The following ULK4 variants were observed in gnomAD, a reference collection of about 807,000 sequenced individuals.
The protein encoded by ULK4 is unc-51 like kinase 4, also known as inactive serine/threonine-protein kinase ULK4.
ULK4 carries 133 observed loss-of-function variants against 160.6 expected under a neutral mutation model. The observed-to-expected ratio is 0.83, with a 90% CI of 0.72 to 0.96. The LOEUF (loss-of-function observed/expected upper bound fraction) is 0.96. Ranked by LOEUF, ULK4 falls within the 40% of genes least tolerant of loss-of-function variation. ULK4 has a pLI of 0.00. For missense variants in ULK4, 1,580 were observed against 1,499.5 expected, an observed-to-expected ratio of 1.05 and a Z score of -0.89; for synonymous variants, 534 against 539.8, an observed-to-expected ratio of 0.99 and a Z score of 0.15.
At chr3:41,286,541 A>G (rs2079461137) in intron 35 of ULK4, among the ~76,000 whole-genome samples, 1 of 152,154 alleles carries the variant, frequency 6.6e-6, no homozygotes, top group East Asian at 1.9e-4. Flanking sequence ...GGAGGCCTTC[A>G]GGAAGAGGAG....
In ULK4 at chr3:41,586,250, G is replaced by A. The variant is rs1332381878; in HGVS notation, c.3121-20120C>T. ...TAGCTAAGATATGGAATCAACTTGA[G>A]TGTCCATCAATGAATGGCTAGGGAA... On this transcript the variant is annotated intron_variant, in intron 31 of 36. Transcript: ENST00000301831. Among the ~76,000 whole-genome samples, 5 of 152,174 alleles carry A rather than the reference G, an allele frequency of 3.3e-5. No homozygotes were observed. The East Asian group carries it at 9.6e-4, about 29-fold the overall frequency.
At chr3:41,361,062 T>C (rs1367731081) in intron 35 of ULK4, among the ~76,000 whole-genome samples, 1 of 152,020 alleles carries the variant, frequency 6.6e-6, no homozygotes, top group Non-Finnish European at 1.5e-5. Context: ...AGATCTGCTA[T>C]GGGATGTCCT....
At chr3:41,364,794 T>C (rs1200841888) in intron 35 of ULK4, among the ~76,000 whole-genome samples, 2 of 152,192 alleles carry the variant, frequency 1.3e-5, no homozygotes, top group African/African-American at 2.4e-5. Context: ...AGAGACAGAC[T>C]AGATTCGGAA....
chr3:41,534,895 T>G (rs539046092), intron 32 of ULK4, among the ~76,000 whole-genome samples: 3 of 152,260 alleles, frequency 2.0e-5, no homozygotes, highest in African/African-American at 7.2e-5. Flanking sequence ...AATTTTTAGA[T>G]TAAATCCTTG....
intron 17 of ULK4, among the ~76,000 whole-genome samples, chr3:41,843,235 A>C (rs553412981): frequency 6.6e-6 from 1 of 152,332 alleles, no homozygotes; most frequent in Non-Finnish European, 1.5e-5. Context: ...GGAAATATAA[A>C]TTAAAACCAA....
chr3:41,725,337 T>G (rs909401510), intron 22 of ULK4, among the ~76,000 whole-genome samples: 5 of 152,222 alleles, frequency 3.3e-5, no homozygotes, highest in Non-Finnish European at 7.3e-5. Context: ...TATTGATATC[T>G]AAATTATCTA....
chr3:41,707,167 A>G (rs1414825971), intron 25 of ULK4, among the ~76,000 whole-genome samples: 1 of 152,140 alleles, frequency 6.6e-6, no homozygotes, highest in Non-Finnish European at 1.5e-5. Context: ...GTATTTTTGA[A>G]TCTTACTGAA....
At chr3:41,655,053 A>C (rs1300495954) in intron 30 of ULK4, among the ~76,000 whole-genome samples, 1 of 152,102 alleles carries the variant, frequency 6.6e-6, no homozygotes, top group Non-Finnish European at 1.5e-5. Context: ...TCACACCTGT[A>C]ATCCCAGCAC....
At chr3:41,957,925 TC>T (rs1169908701) in intron 1 of ULK4, among the ~76,000 whole-genome samples, 2 of 151,502 alleles carry the variant, frequency 1.3e-5, no homozygotes, top group East Asian at 3.9e-4. Flanking sequence ...GTGCATGTAG[TC>T]CCAGCTACTT....
intron 3 of ULK4, 148 bp from the exon 4 acceptor site, chr3:41,936,088 A>AATACAGTGG: frequency 9.8e-7 from 1 of 1,021,414 alleles, no homozygotes. Context: ...CATGTGAGTA[A>AATACAGTGG]ATACAGTGGC....
At chr3:41,720,389 C>T (rs1034480263) in intron 22 of ULK4, among the ~76,000 whole-genome samples, 36 of 151,622 alleles carry the variant, frequency 2.4e-4, no homozygotes, top group African/African-American at 8.8e-4. Flanking sequence ...TGTGTGCTTG[C>T]TTAAAATTTA....
At chr3:41,823,517 A>C (rs2041221128) in intron 18 of ULK4, among the ~76,000 whole-genome samples, 2 of 152,200 alleles carry the variant, frequency 1.3e-5, no homozygotes, top group South Asian at 2.1e-4. Context: ...CAAAAACTGA[A>C]AATGTGTTGC....
At chr3:41,723,839 G>T (rs1011084449) in intron 22 of ULK4, among the ~76,000 whole-genome samples, 1 of 152,212 alleles carries the variant, frequency 6.6e-6, no homozygotes, top group Non-Finnish European at 1.5e-5. Context: ...CCCAGTGGGC[G>T]CCTGGGACTC....
chr3:41,597,893 A>G (rs912657826), intron 31 of ULK4, among the ~76,000 whole-genome samples: 1 of 152,224 alleles, frequency 6.6e-6, no homozygotes, highest in Non-Finnish European at 1.5e-5. Flanking sequence ...AAAGCAAAAA[A>G]ACGAAACCAA....
At chr3:41,554,340 A>C (rs1270519041) in intron 32 of ULK4, among the ~76,000 whole-genome samples, 3 of 152,192 alleles carry the variant, frequency 2.0e-5, no homozygotes, top group African/African-American at 7.2e-5. Flanking sequence ...AAGATAACGT[A>C]ATATCTATAC....
chr3:41,270,148 A>G (rs1330768404), intron 35 of ULK4, among the ~76,000 whole-genome samples: 1 of 152,216 alleles, frequency 6.6e-6, no homozygotes, highest in Non-Finnish European at 1.5e-5. Flanking sequence ...GATCTGTCAT[A>G]TGAAATAAAA....
chr3:41,603,851 C>T (rs1458306252), intron 31 of ULK4, among the ~76,000 whole-genome samples: 1 of 152,096 alleles, frequency 6.6e-6, no homozygotes, highest in Non-Finnish European at 1.5e-5. Flanking sequence ...ATTTCATTTA[C>T]AAATATATTT....
At chr3:41,706,733 C>G (rs2036900638) in intron 25 of ULK4, among the ~76,000 whole-genome samples, 1 of 149,816 alleles carries the variant, frequency 6.7e-6, no homozygotes, top group South Asian at 2.1e-4. Flanking sequence ...GAGGCTGAGG[C>G]AGGAGAATTG....
intron 29 of ULK4, among the ~76,000 whole-genome samples, chr3:41,680,023 C>T (rs576357773): frequency 6.6e-6 from 1 of 152,178 alleles, no homozygotes; most frequent in Non-Finnish European, 1.5e-5. Flanking sequence ...TCTCAAAGCA[C>T]ATCCTTTAAA....
Sources: gnomAD v4.1 joint callset for allele counts (sites outside exome capture counted in the v4.1 genomes callset) on GRCh38, gnomAD v4.1.1 for gene constraint, MANE v1.5 for transcripts, NCBI Gene and HGNC (gene_info 2026-07-23, HGNC 2026-07-21) for gene names.